SERPINB12: variants seen among roughly 807,000 people sequenced by gnomAD.
The protein encoded by SERPINB12 is serpin family B member 12, also known as serpin B12.
A neutral mutation model predicts 41.1 loss-of-function variants in SERPINB12; 57 were observed. That is an observed-to-expected ratio of 1.39 (90% CI 1.12 to 1.73). The LOEUF is 1.73. Ranked by LOEUF, SERPINB12 falls within the 40% of genes most tolerant of loss-of-function variation. The pLI is 0.00. For synonymous variants in SERPINB12, 180 were observed against 181.3 expected (o/e 0.99, Z 0.06); for missense variants, 536 against 501.9 (o/e 1.07, Z -0.65).
upstream of SERPINB12, among the ~76,000 whole-genome samples, chr18:63,537,814 T>C (rs1910203537): frequency 6.6e-6 from 1 of 152,164 alleles, no homozygotes; most frequent in African/African-American, 2.4e-5. Context: ...ATTTAATTAA[T>C]ATTATTCAAA....
At chr18:63,543,958 G>A (rs1159660470) in intron 1 of SERPINB12, among the ~76,000 whole-genome samples, 1 of 152,042 alleles carries the variant, frequency 6.6e-6, no homozygotes, top group Admixed American at 6.6e-5. Context: ...TTTCTTGTTA[G>A]CATATTACAA....
rs377734535 is a variant in SERPINB12, at chr18:63,568,734, T to C, written c.*1723T>C. Reference sequence around the variant, plus strand: ...TCGTTCAGTGTGGCCACGCAGTTTTTTTGCAGAAGGCAGGTGAACCACACC... The same window carrying C: ...TCGTTCAGTGTGGCCACGCAGTTTTCTTGCAGAAGGCAGGTGAACCACACC... On this transcript the variant is annotated 3_prime_UTR_variant, in exon 8 of 8. Transcript: ENST00000382768. Among the ~76,000 whole-genome samples the C allele has an allele frequency of 3.3e-4, 51 of 152,268 alleles. No individual in the cohort carries two copies. The highest frequency in any genetic ancestry group is 1.1e-3 in the African/African-American group (44 of 41,538).
At chr18:63,542,025 C>T, upstream of SERPINB12, among the ~76,000 whole-genome samples, 1 of 152,100 alleles carries the variant, frequency 6.6e-6, no homozygotes, top group Non-Finnish European at 1.5e-5. Context: ...GAAAAATATT[C>T]CGCTTGGGTT....
chr18:63,524,750 T>C, the SERPINB12 span, among the ~76,000 whole-genome samples: 2 of 150,830 alleles, frequency 1.3e-5, no homozygotes, highest in African/African-American at 4.9e-5. Context: ...TCTCTTTCCC[T>C]TTCCTTTTTT....
the SERPINB12 span, among the ~76,000 whole-genome samples, chr18:63,535,431 C>A: frequency 1.3e-5 from 2 of 151,988 alleles, no homozygotes. Context: ...ATGCGTAACT[C>A]GAATCTAATC....
At chr18:63,544,163 C>A (rs1327399623) in intron 1 of SERPINB12, among the ~76,000 whole-genome samples, 4 of 152,104 alleles carry the variant, frequency 2.6e-5, no homozygotes, top group African/African-American at 7.2e-5. Context: ...CATTGTAGAG[C>A]AAAAGCAGCC....
At chr18:63,549,327 C>T (rs2081048653) in intron 1 of SERPINB12, among the ~76,000 whole-genome samples, 3 of 152,132 alleles carry the variant, frequency 2.0e-5, no homozygotes, top group Non-Finnish European at 4.4e-5. Flanking sequence ...GAATAAAATT[C>T]CTTCTTCTAC....
At chr18:63,549,613 T>C (rs76477874) in intron 1 of SERPINB12, among the ~76,000 whole-genome samples, 6,191 of 152,158 alleles carry the variant, frequency 0.041, 428 homozygotes, top group African/African-American at 0.14. Flanking sequence ...AAGGATTTTT[T>C]GAGTAATTTT....
At chr18:63,557,810 C>T (rs1305694417) in intron 2 of SERPINB12, among the ~76,000 whole-genome samples, 1 of 152,150 alleles carries the variant, frequency 6.6e-6, no homozygotes, top group Non-Finnish European at 1.5e-5. Flanking sequence ...ATGTGAAACT[C>T]TAGATCAGCA....
At chr18:63,522,805 G>A in the SERPINB12 span, among the ~76,000 whole-genome samples, 1 of 151,960 alleles carries the variant, frequency 6.6e-6, no homozygotes, top group African/African-American at 2.4e-5. Flanking sequence ...GAATAACCAT[G>A]GTTAAAAATC....
the SERPINB12 span, among the ~76,000 whole-genome samples, chr18:63,527,017 C>T: frequency 3.3e-5 from 5 of 152,142 alleles, no homozygotes. Context: ...AGAAAAGGTA[C>T]AGTAAAAATA....
chr18:63,558,465 G>A lies in SERPINB12; in HGVS notation c.282G>A (p.Thr94=). ...GCTCTCTGGAGGGGCAGAAAAAAAC[G>A]ACAGAGCCTCTGGATCAGCAGGTGA... ...ADSSLEGQKK[T]TEPLDQQAGS... is the part of the protein sequence containing the mutation. The change falls in exon 3 of 8, where the codon ACG becomes ACA. Residue 94 remains threonine (T), a synonymous_variant. Coordinates refer to ENST00000382768, the MANE Select transcript of SERPINB12 (RefSeq NM_001307928.2). 2.5e-6 allele frequency: 4 copies of A among 1,612,970 alleles called. No homozygotes were observed. The highest frequency in any genetic ancestry group is 1.7e-4 in the Middle Eastern group (1 of 6,052).
chr18:63,529,065 C>T, the SERPINB12 span, among the ~76,000 whole-genome samples: 5 of 152,190 alleles, frequency 3.3e-5, no homozygotes, highest in Non-Finnish European at 7.3e-5. Context: ...TCACTCTATC[C>T]TGCTTCTGGA....
chr18:63,566,861 T>C lies in SERPINB12; in HGVS notation c.1128T>C (p.Gly376=), dbSNP rs2049757212. The C allele has an allele frequency of 6.2e-7, 1 of 1,614,170 alleles. No individual in the cohort carries two copies. Among genetic ancestry groups the C allele is most frequent in the Non-Finnish European group, 8.5e-7 (1 of 1,179,992 alleles). Residue 376 remains glycine, a synonymous_variant, in exon 8 of 8, where the codon GGT becomes GGC. Transcript: ENST00000382768. The part of the protein sequence containing the change: ...HKTFVEVDEN[G]TQAAAATGAV... ...CCTTTGTGGAGGTGGATGAAAACGG[T>C]ACCCAGGCAGCTGCAGCCACTGGGG...
chr18:63,538,531 T>G (rs1283426416), upstream of SERPINB12, among the ~76,000 whole-genome samples: 1 of 152,230 alleles, frequency 6.6e-6, no homozygotes, highest in African/African-American at 2.4e-5. Flanking sequence ...CTTCATATTT[T>G]TAAAGGCCAA....
At chr18:63,541,657 A>G (rs1910275273), upstream of SERPINB12, among the ~76,000 whole-genome samples, 1 of 152,090 alleles carries the variant, frequency 6.6e-6, no homozygotes, top group Admixed American at 6.6e-5. Flanking sequence ...CTTCTGAGGT[A>G]TTTGTACTGA....
the SERPINB12 span, among the ~76,000 whole-genome samples, chr18:63,533,040 G>T: frequency 2.0e-5 from 3 of 151,960 alleles, no homozygotes; most frequent in African/African-American, 7.2e-5. Flanking sequence ...GTGCAGTGGC[G>T]CAATCTCAGC....
At chr18:63,555,006 CCTT>C (rs1289051838) in intron 1 of SERPINB12, among the ~76,000 whole-genome samples, 1 of 152,170 alleles carries the variant, frequency 6.6e-6, no homozygotes, top group Non-Finnish European at 1.5e-5. Context: ...ACTTGTTTCT[CCTT>C]CTCCTTCCGC....
intron 1 of SERPINB12, among the ~76,000 whole-genome samples, chr18:63,542,957 G>A (rs1489924150): frequency 6.6e-6 from 1 of 152,118 alleles, no homozygotes; most frequent in East Asian, 1.9e-4. Flanking sequence ...CCATGTTGCT[G>A]CAAAGGACAT....
Sources: allele counts gnomAD v4.1 joint callset (sites outside exome capture counted in the v4.1 genomes callset), GRCh38; gene constraint gnomAD v4.1.1; transcripts MANE v1.5; gene names NCBI Gene and HGNC (gene_info 2026-07-23, HGNC 2026-07-21).